The following PARD3B variants were observed in gnomAD, a reference collection of about 807,000 sequenced individuals.
The protein encoded by PARD3B is par-3 family cell polarity regulator beta.
In PARD3B, 103 loss-of-function variants were observed where a neutral mutation model predicts 130.2. The observed-to-expected ratio is 0.79, with a 90% CI of 0.67 to 0.93. The LOEUF is 0.93. Ranked by LOEUF, PARD3B falls within the 40% of genes least tolerant of loss-of-function variation. PARD3B has a pLI of 0.00. For missense variants in PARD3B, 1,609 were observed against 1,499.2 expected (o/e 1.07, Z -1.21); for synonymous variants, 583 against 553.2 (o/e 1.05, Z -0.76).
intron 4 of PARD3B, among the ~76,000 whole-genome samples, chr2:205,082,806 A>ATATTAAATATCTTCAG (rs1701498701): frequency 6.6e-6 from 1 of 152,184 alleles, no homozygotes; most frequent in Non-Finnish European, 1.5e-5. Flanking sequence ...ATAAATTTGA[A>ATATTAAATATCTTCAG]GCCTTTGCTT....
At chr2:204,660,667 T>G (rs1485817546) in intron 1 of PARD3B, among the ~76,000 whole-genome samples, 1 of 152,140 alleles carries the variant, frequency 6.6e-6, no homozygotes, top group Non-Finnish European at 1.5e-5. Context: ...CATACTAAAT[T>G]TTGATCCTTT....
At chr2:205,312,684 A>C (rs1337205504) in intron 18 of PARD3B, among the ~76,000 whole-genome samples, 4 of 152,150 alleles carry the variant, frequency 2.6e-5, no homozygotes, top group Admixed American at 2.6e-4. Flanking sequence ...TAAATTATTT[A>C]CTTTCTCTTT....
At chr2:205,510,256 G>C (rs1018392107) in intron 21 of PARD3B, among the ~76,000 whole-genome samples, 3 of 152,216 alleles carry the variant, frequency 2.0e-5, no homozygotes, top group African/African-American at 7.2e-5. Flanking sequence ...TGTAGGAAGT[G>C]TCAATAAACA....
chr2:205,080,027 G>T (rs1701308970), intron 4 of PARD3B, among the ~76,000 whole-genome samples: 2 of 152,018 alleles, frequency 1.3e-5, no homozygotes, highest in East Asian at 3.9e-4. Context: ...ATTTAAACTA[G>T]TATTTTTATT....
At position 205,291,665 on chromosome 2, in the gene PARD3B, C is replaced by T. The variant is rs2041612234; in HGVS notation, c.2186-8865C>T. On this transcript the variant is annotated intron_variant, in intron 16 of 22. Coordinates refer to ENST00000406610, the MANE Select transcript of PARD3B (RefSeq NM_001302769.2). The surrounding 1 kb of genome is among the most constrained non-coding windows in gnomAD (Gnocchi z 4.6). Reference sequence around the variant, plus strand: ...ACCCATAGGCACAGCCTGGCTTTTTCTGACTGCTTATAGTAAAATTCAAGA... The same window carrying T: ...ACCCATAGGCACAGCCTGGCTTTTTTTGACTGCTTATAGTAAAATTCAAGA... 6.6e-6 allele frequency among the ~76,000 whole-genome samples: 1 copy of T among 152,152 alleles called. No homozygotes were observed. Among genetic ancestry groups the T allele is most frequent in the South Asian group, 2.1e-4 (1 of 4,824 alleles).
chr2:204,764,715 C>CATGTGTGTGT (rs60298501), intron 2 of PARD3B, among the ~76,000 whole-genome samples: 1 of 145,644 alleles, frequency 6.9e-6, no homozygotes, highest in African/African-American at 2.5e-5. Flanking sequence ...GGCATGCATG[C>CATGTGTGTGT]GTGTGTGTGT....
intron 2 of PARD3B, among the ~76,000 whole-genome samples, chr2:204,942,220 T>G (rs1303504249): frequency 1.3e-5 from 2 of 152,202 alleles, no homozygotes; most frequent in African/African-American, 4.8e-5. Flanking sequence ...CCTTTTTTCT[T>G]GTTGGTTAAA....
intron 16 of PARD3B, among the ~76,000 whole-genome samples, chr2:205,260,765 C>T (rs2040273525): frequency 6.6e-6 from 1 of 151,942 alleles, no homozygotes; most frequent in South Asian, 2.1e-4. Flanking sequence ...GTTGTTTTTC[C>T]TATCTAGAGC....
At chr2:205,540,502 C>CA (rs1389805963) in intron 21 of PARD3B, among the ~76,000 whole-genome samples, 1 of 152,052 alleles carries the variant, frequency 6.6e-6, no homozygotes, top group Non-Finnish European at 1.5e-5. Flanking sequence ...CTATTGAAAT[C>CA]AAAACATTCA....
intron 2 of PARD3B, among the ~76,000 whole-genome samples, chr2:204,778,146 C>CAAA (rs35683519): frequency 0.022 from 2,372 of 109,280 alleles, 34 homozygotes; most frequent in African/African-American, 0.05. Flanking sequence ...CACCCTCTAT[C>CAAA]AAAAAAAAAA....
At chr2:204,952,952 T>C (rs1689901993) in intron 2 of PARD3B, among the ~76,000 whole-genome samples, 1 of 150,660 alleles carries the variant, frequency 6.6e-6, no homozygotes, top group Non-Finnish European at 1.5e-5. Context: ...AGCTGAGATC[T>C]TGCTACTGCA....
intron 3 of PARD3B, among the ~76,000 whole-genome samples, chr2:205,045,031 A>G (rs1698672570): frequency 6.6e-6 from 1 of 152,024 alleles, no homozygotes; most frequent in Non-Finnish European, 1.5e-5. Flanking sequence ...TCAACAGGAG[A>G]CATTCAGGTG....
intron 19 of PARD3B, among the ~76,000 whole-genome samples, chr2:205,437,535 A>T (rs1488627538): frequency 6.6e-6 from 1 of 152,198 alleles, no homozygotes; most frequent in Non-Finnish European, 1.5e-5. Flanking sequence ...GTTACTGAGC[A>T]CTTGAAATGT....
intron 2 of PARD3B, among the ~76,000 whole-genome samples, chr2:204,901,240 G>C (rs762396046): frequency 7.9e-5 from 12 of 152,100 alleles, no homozygotes; most frequent in Non-Finnish European, 1.8e-4. Context: ...AGGAGCCAGG[G>C]CCTGGAGTCA....
chr2:205,184,697 G>A (rs928406346), intron 13 of PARD3B, among the ~76,000 whole-genome samples: 4 of 151,872 alleles, frequency 2.6e-5, no homozygotes, highest in Non-Finnish European at 4.4e-5. Context: ...AGCCAAGATC[G>A]TGCCACTGCA....
rs10490297 is a variant in PARD3B, at chr2:205,253,760, G to T, written c.2185+7938G>T. On this transcript the variant is annotated intron_variant, in intron 16 of 22. Coordinates refer to ENST00000406610, the MANE Select transcript of PARD3B (RefSeq NM_001302769.2). The surrounding 1 kb of genome is among the most constrained non-coding windows in gnomAD (Gnocchi z 4.4). ...CAGCAAGATTCCATATGAGCAAAGT[G>T]CAGAAAGTGAGAAAAAAGGACCAAG... 0.11 allele frequency among the ~76,000 whole-genome samples: 17,395 copies of T among 152,094 alleles called. 1,115 individuals are homozygous for T. The highest frequency in any genetic ancestry group is 0.17 in the African/African-American group (7,145 of 41,470).
Position 205,230,902 on chromosome 2 carries a change from A to C in PARD3B, c.2141-14876A>C, listed in dbSNP as rs545643110. On this transcript the variant is annotated intron_variant, in intron 15 of 22. Coordinates refer to ENST00000406610, the MANE Select transcript of PARD3B (RefSeq NM_001302769.2). The surrounding 1 kb of genome is among the most constrained non-coding windows in gnomAD (Gnocchi z 4.1). ...GTTCTGCCTGGTGTTGCTTTCCACC[A>C]TGACAGGGTGGAAAGCACTGAGTTC... 6.1e-4 allele frequency among the ~76,000 whole-genome samples: 93 copies of C among 152,096 alleles called. No homozygotes were observed. Among genetic ancestry groups the C allele is most frequent in the African/African-American group, 2.2e-3 (92 of 41,498 alleles).
At chr2:204,643,216 C>A (rs545372664) in intron 1 of PARD3B, among the ~76,000 whole-genome samples, 1 of 150,966 alleles carries the variant, frequency 6.6e-6, no homozygotes, top group African/African-American at 2.4e-5. Flanking sequence ...CACCTTCTGC[C>A]ATGATTGTAA....
At chr2:205,607,833 C>CACCCAT (rs1299603612) in intron 22 of PARD3B, among the ~76,000 whole-genome samples, 1,493 of 63,914 alleles carry the variant, frequency 0.023, 21 homozygotes, top group African/African-American at 0.08. Flanking sequence ...AACACCCATA[C>CACCCAT]ACACACACAC....
Sources: gnomAD v4.1 joint callset for allele counts (sites outside exome capture counted in the v4.1 genomes callset) on GRCh38, gnomAD v4.1.1 for gene constraint, Gnocchi (gnomAD v3.1) non-coding constraint, MANE v1.5 for transcripts, NCBI Gene and HGNC (gene_info 2026-07-23, HGNC 2026-07-21) for gene names.